PTPRO: variants seen among roughly 807,000 people sequenced by gnomAD.
PTPRO encodes receptor-type tyrosine-protein phosphatase O.
A neutral mutation model predicts 145.2 loss-of-function variants in PTPRO; 62 were observed. The ratio of observed to expected loss-of-function variants is 0.43; its 90% CI spans 0.35 to 0.53. The LOEUF is 0.53. PTPRO is among the 20% of genes least tolerant of loss of function. The pLI is 0.01. For missense variants in PTPRO, 1,345 were observed against 1,482.7 expected (o/e 0.91, Z 1.53); for synonymous variants, 565 against 514.7 (o/e 1.10, Z -1.32).
chr12:15,549,793 C>T (rs963842423), intron 14 of PTPRO, among the ~76,000 whole-genome samples: 2 of 152,156 alleles, frequency 1.3e-5, no homozygotes, highest in Admixed American at 1.3e-4. Flanking sequence ...ACCTGAGACC[C>T]TCTATGAAGC....
chr12:15,460,626 A>T (rs1565642846), intron 1 of PTPRO, among the ~76,000 whole-genome samples: 16 of 152,170 alleles, frequency 1.1e-4, no homozygotes. Flanking sequence ...GAGCCAACCT[A>T]GGTAAGCTAT....
chr12:15,592,691 G>T (rs978780815), intron 25 of PTPRO, among the ~76,000 whole-genome samples: 6 of 152,102 alleles, frequency 3.9e-5, no homozygotes, highest in Non-Finnish European at 2.9e-5. Context: ...ACCTCTCAAG[G>T]CTCCCATTTC....
chr12:15,504,460 G>T (rs1369743110), intron 6 of PTPRO, among the ~76,000 whole-genome samples: 1 of 152,116 alleles, frequency 6.6e-6, no homozygotes, highest in Non-Finnish European at 1.5e-5. Flanking sequence ...GAGCTTGTGA[G>T]GCTCAAAAGA....
At chr12:15,390,643 C>T (rs1476753351) in intron 1 of PTPRO, among the ~76,000 whole-genome samples, 3 of 152,060 alleles carry the variant, frequency 2.0e-5, no homozygotes, top group Non-Finnish European at 2.9e-5. Context: ...AGAGAAGTCT[C>T]GTGGCAGAAA....
At position 15,591,861 on chromosome 12, in the gene PTPRO, CA is replaced by C. The variant is rs920818158; in HGVS notation, c.3546+2281del. ...CTGGTGACAGAGCAAGACTCCGTCT[CA>C]AAAAAAAAACCCCATAAAATAATTA... On this transcript the variant is annotated intron_variant, in intron 25 of 26. Coordinates refer to ENST00000281171, the MANE Select transcript of PTPRO (RefSeq NM_030667.3). Among the ~76,000 whole-genome samples, 45 of 141,846 alleles carry C rather than the reference CA, an allele frequency of 3.2e-4. No homozygotes were observed. In the South Asian group the frequency reaches 4.0e-3, roughly 13 times the overall value. The allele number at this position is 141,846 out of a possible 152,430, so 93.1% of individuals were successfully genotyped here.
At chr12:15,491,081 G>A (rs942848209) in intron 2 of PTPRO, among the ~76,000 whole-genome samples, 1 of 152,192 alleles carries the variant, frequency 6.6e-6, no homozygotes, top group African/African-American at 2.4e-5. Flanking sequence ...TCGCTGGCCT[G>A]CTTTGATGTA....
At chr12:15,400,994 G>A (rs1939477229) in intron 1 of PTPRO, among the ~76,000 whole-genome samples, 1 of 152,188 alleles carries the variant, frequency 6.6e-6, no homozygotes, top group African/African-American at 2.4e-5. Flanking sequence ...TTAAAGCAAT[G>A]AAGTGTTTTC....
intron 12 of PTPRO, 107 bp downstream of exon 12, chr12:15,526,369 A>T (rs1942838385): frequency 6.9e-7 from 1 of 1,442,836 alleles, no homozygotes; most frequent in Non-Finnish European, 9.6e-7. Flanking sequence ...AAAATGGCTA[A>T]TTTTTTATGA....
intron 1 of PTPRO, among the ~76,000 whole-genome samples, chr12:15,429,226 G>A (rs1490763830): frequency 6.6e-6 from 1 of 152,112 alleles, no homozygotes; most frequent in Non-Finnish European, 1.5e-5. Flanking sequence ...TAGAAATGTT[G>A]AGAACAACAC....
intron 1 of PTPRO, among the ~76,000 whole-genome samples, chr12:15,339,544 C>T (rs938372201): frequency 2.0e-5 from 3 of 152,140 alleles, no homozygotes; most frequent in South Asian, 2.1e-4. Flanking sequence ...ATTCTAAATA[C>T]GTGTGCTCTG....
Position 15,575,473 on chromosome 12 carries a change from C to T in PTPRO, c.2830-3380C>T, listed in dbSNP as rs1267653394. ...ACCTTGTTGCCATCTTGATCTTGGA[C>T]TTCCCAGCCTCCAGAACTGTGAGAC... On this transcript the variant is annotated intron_variant, in intron 19 of 26. Transcript: ENST00000281171. Among the ~76,000 whole-genome samples, 3 of 152,162 alleles carry T rather than the reference C, an allele frequency of 2.0e-5. No homozygotes were observed. In the East Asian group the frequency reaches 5.8e-4, roughly 29 times the overall value.
chr12:15,464,695 C>T (rs903759103), intron 1 of PTPRO, among the ~76,000 whole-genome samples: 1 of 151,844 alleles, frequency 6.6e-6, no homozygotes, highest in African/African-American at 2.4e-5. Flanking sequence ...TGAATAAAAC[C>T]TTTGTAAATA....
intron 1 of PTPRO, among the ~76,000 whole-genome samples, chr12:15,430,480 T>C (rs1219924190): frequency 2.6e-5 from 4 of 152,120 alleles, no homozygotes; most frequent in Non-Finnish European, 5.9e-5. Flanking sequence ...GGTTCTGAAA[T>C]GTTACTGCAA....
intron 1 of PTPRO, among the ~76,000 whole-genome samples, chr12:15,468,970 C>T (rs1001289090): frequency 3.3e-5 from 5 of 152,124 alleles, no homozygotes; most frequent in African/African-American, 4.8e-5. Context: ...ATTAACAACC[C>T]AACAAGAAGG....
intron 1 of PTPRO, among the ~76,000 whole-genome samples, chr12:15,481,658 A>G (rs1941781675): frequency 1.3e-5 from 2 of 152,218 alleles, no homozygotes; most frequent in African/African-American, 4.8e-5. Flanking sequence ...CTTATGGTCT[A>G]GTATGATAAG....
intron 23 of PTPRO, among the ~76,000 whole-genome samples, chr12:15,585,965 CACTT>C (rs146907620): frequency 0.043 from 6,553 of 152,256 alleles, 438 homozygotes; most frequent in African/African-American, 0.15. Context: ...AAGTTATACT[CACTT>C]ACTGGGGACT....
chr12:15,407,464 C>T (rs1024316977), intron 1 of PTPRO, among the ~76,000 whole-genome samples: 1 of 152,088 alleles, frequency 6.6e-6, no homozygotes, highest in African/African-American at 2.4e-5. Context: ...AGTCTTGGGG[C>T]AATTCTGGGT....
intron 1 of PTPRO, among the ~76,000 whole-genome samples, chr12:15,359,837 T>C (rs941286580): frequency 5.3e-5 from 8 of 152,224 alleles, no homozygotes; most frequent in African/African-American, 1.9e-4. Context: ...TAGGACTTTC[T>C]TCTCAGTTCA....
At chr12:15,432,394 A>C (rs1940467078) in intron 1 of PTPRO, among the ~76,000 whole-genome samples, 1 of 152,180 alleles carries the variant, frequency 6.6e-6, no homozygotes, top group Admixed American at 6.5e-5. Flanking sequence ...TTCTTTATCC[A>C]GTCTACTGCT....
Sources: allele counts gnomAD v4.1 joint callset (sites outside exome capture counted in the v4.1 genomes callset), GRCh38; gene constraint gnomAD v4.1.1; transcripts MANE v1.5; gene names NCBI Gene and HGNC (gene_info 2026-07-23, HGNC 2026-07-21).